ARHGEF11: variants seen among roughly 807,000 people sequenced by gnomAD.
ARHGEF11 encodes the protein Rho guanine nucleotide exchange factor 11.
In ARHGEF11, 55 loss-of-function variants were observed where a neutral mutation model predicts 193.7. The ratio of observed to expected loss-of-function variants is 0.28; its 90% CI spans 0.23 to 0.36. ARHGEF11 has a LOEUF of 0.36. Ranked by LOEUF, ARHGEF11 falls within the 10% of genes least tolerant of loss-of-function variation. The probability of loss-of-function intolerance (pLI) is 1.00; values close to 1 mark genes in which losing one functional copy is unlikely to be tolerated. For missense variants in ARHGEF11, 1,723 were observed against 2,005.6 expected (o/e 0.86, Z 2.69); for synonymous variants, 693 against 768.0 (o/e 0.90, Z 1.62).
At chr1:156,940,510 G>A in intron 35 of ARHGEF11, 85 bp from the exon 36 acceptor site, 1 of 1,255,008 alleles carries the variant, frequency 8.0e-7, no homozygotes. Flanking sequence ...GGAGCCAAGG[G>A]GCTGGGAACA....
intron 1 of ARHGEF11, among the ~76,000 whole-genome samples, chr1:157,007,909 T>G (rs920931181): frequency 2.3e-3 from 129 of 55,884 alleles, no homozygotes; most frequent in Middle Eastern, 0.011. Context: ...GTTTTTTTTT[T>G]TTTGTTTTTT....
chr1:156,944,037 G>C lies in ARHGEF11; in HGVS notation c.3133C>G (p.Leu1045Val), dbSNP rs770882402. Residue 1045 changes from leucine to valine, a missense_variant, in exon 32 of 41, where the codon CTG becomes GTG. Physicochemically the swap from Leu to Val is conservative, Grantham distance 32. This residue lies in a region of ARHGEF11 where 491 missense variants were observed against 654.5 expected (regional missense o/e 0.75). Coordinates refer to ENST00000368194, the MANE Select transcript of ARHGEF11 (RefSeq NM_198236.3). The stretch of plus-strand genomic sequence containing the variant: ...ACAGCAGTCTTGCTGTGGCACTTCA[G>C]CAATAGCTTCTCATCCTGTTTCTGT... ...LLQKQDEKLL[L>V]KCHSKTAVGS... 3.1e-6 allele frequency: 5 copies of C among 1,614,060 alleles called. No individual in the cohort carries two copies. The Admixed American group carries it at 6.7e-5, about 22-fold the overall frequency.
intron 13 of ARHGEF11, among the ~76,000 whole-genome samples, chr1:156,962,705 C>T (rs567067160): frequency 4.6e-5 from 7 of 151,564 alleles, no homozygotes; most frequent in East Asian, 2.0e-4. Flanking sequence ...GGTGAAACCC[C>T]GTCTCTACTA....
chr1:156,948,691 T>C lies in ARHGEF11; in HGVS notation c.1926-193A>G. 1 of 1,527,058 alleles carries C rather than the reference T, an allele frequency of 6.5e-7. No homozygotes were observed. The highest frequency in any genetic ancestry group is 8.8e-7 in the Non-Finnish European group (1 of 1,141,834). 94.6% of individuals were successfully genotyped at this position (1,527,058 alleles called of 1,614,324 possible). A position where few individuals can be genotyped will look rare whatever the true frequency, so the allele number is the denominator to read the frequency against. ...AGACTATTTTTGCTGCTCTACAAAC[T>C]CCTCCTCTCTCCCCAGCCTAGCCTG... On this transcript the variant is annotated intron_variant, in intron 22 of 40. Coordinates refer to ENST00000368194, the MANE Select transcript of ARHGEF11 (RefSeq NM_198236.3). This position sits in a 1 kb window ranked among gnomAD's most constrained non-coding sequence, Gnocchi z 4.2.
chr1:156,978,366 T>C lies in ARHGEF11; in HGVS notation c.348A>G (p.Ala116=), dbSNP rs746610381. ...AAGGTGAAGAGCCCAGGAGGGTGAG[T>C]GCGACATAGGCGCCAGCTAGAGGGA... ...VKLIKSGAYV[A]LTLLGSSPSS... The change falls in exon 6 of 41, where the codon GCA becomes GCG. Residue 116 remains alanine, a synonymous_variant. Transcript: ENST00000368194. The C allele has an allele frequency of 6.2e-7, 1 of 1,604,900 alleles. No homozygotes were observed. The highest frequency in any genetic ancestry group is 2.2e-5 in the East Asian group (1 of 44,778).
rs529845528 is a variant in ARHGEF11, at chr1:156,948,283, G to A, written c.2105+36C>T. On this transcript the variant is annotated intron_variant, in intron 23 of 40. Coordinates refer to ENST00000368194, the MANE Select transcript of ARHGEF11 (RefSeq NM_198236.3). The surrounding 1 kb of genome is among the most constrained non-coding windows in gnomAD (Gnocchi z 4.2). ...CCTCTATCCTTGCCGCCACCCCTGA[G>A]ATGTCCATGGGTGCAGCCGTTGTAG... 3 of 1,608,350 alleles carry A rather than the reference G, an allele frequency of 1.9e-6. No homozygotes were observed. The highest frequency in any genetic ancestry group is 2.7e-5 in the African/African-American group (2 of 74,958).
At chr1:156,954,799 G>C in intron 21 of ARHGEF11, 93 bp downstream of exon 21, 1 of 1,036,460 alleles carries the variant, frequency 9.6e-7, no homozygotes, top group African/African-American at 1.6e-5. Flanking sequence ...AACAGGATGG[G>C]AGATGATGAG....
In ARHGEF11 at chr1:156,944,398, C is replaced by T. The variant is rs748354926; in HGVS notation, c.3027G>A (p.Glu1009=). The T allele has an allele frequency of 6.2e-7, 1 of 1,614,094 alleles. No individual in the cohort carries two copies. The highest frequency in any genetic ancestry group is 1.1e-5 in the South Asian group (1 of 91,074). ...LDLTTRKMIH[E]GPLTWRISKD... is the part of the protein sequence containing the mutation. ...TGCTGATCCTCCAGGTCAGGGGTCC[C>T]TCATGGATCATTTTTCTGGTTGTAA... The change falls in exon 31 of 41, where the codon GAG becomes GAA. Residue 1009 remains glutamate (E), a synonymous_variant. Coordinates refer to ENST00000368194, the MANE Select transcript of ARHGEF11 (RefSeq NM_198236.3).
At chr1:157,001,875 G>A (rs16837949) in intron 1 of ARHGEF11, among the ~76,000 whole-genome samples, 4,055 of 152,248 alleles carry the variant, frequency 0.027, 190 homozygotes, top group African/African-American at 0.093. Context: ...CCCTCTGTAG[G>A]TTTACAAAAA....
chr1:156,948,244 CA>C lies in ARHGEF11; in HGVS notation c.2106-17del. On this transcript the variant is annotated splice_polypyrimidine_tract_variant and intron_variant, in intron 23 of 40. Transcript: ENST00000368194. The surrounding 1 kb of genome is among the most constrained non-coding windows in gnomAD (Gnocchi z 4.2). ...CTCAAGAGACCTGTGGAGGGAATGT[CA>C]ACTCTCAGCAACCCTCTATCCTTGC... 1 of 1,594,214 alleles carries C rather than the reference CA, an allele frequency of 6.3e-7. No homozygotes were observed. Among genetic ancestry groups the C allele is most frequent in the Non-Finnish European group, 8.6e-7 (1 of 1,166,758 alleles).
intron 1 of ARHGEF11, among the ~76,000 whole-genome samples, chr1:157,006,538 A>G (rs558560308): frequency 6.6e-6 from 1 of 152,204 alleles, no homozygotes; most frequent in African/African-American, 2.4e-5. Flanking sequence ...CTGGGCTTAG[A>G]AAAAAAGGGT....
At chr1:156,992,464 T>C (rs1665877989) in intron 1 of ARHGEF11, among the ~76,000 whole-genome samples, 1 of 152,078 alleles carries the variant, frequency 6.6e-6, no homozygotes, top group South Asian at 2.1e-4. Flanking sequence ...GCAGGTGCCT[T>C]CTAACTATGC....
rs746747539 is a variant in ARHGEF11 at position 156,940,433 on chromosome 1, G to A, written c.3515-8C>T. The A allele has an allele frequency of 3.1e-6, 5 of 1,592,956 alleles. No individual in the cohort carries two copies. In the South Asian group the frequency reaches 4.5e-5, roughly 14 times the overall value. On this transcript the variant is annotated splice_polypyrimidine_tract_variant and splice_region_variant and intron_variant, in intron 35 of 40. Transcript: ENST00000368194. Reference sequence around the variant, plus strand: ...TCTGCTGGGACCCAGTGCCTGTTTCGGATGAGAGAAGATTGTAAGGCAGGG... The same window carrying A: ...TCTGCTGGGACCCAGTGCCTGTTTCAGATGAGAGAAGATTGTAAGGCAGGG...
At position 156,956,500 on chromosome 1, in the gene ARHGEF11, G is replaced by C; in HGVS notation, c.1591C>G (p.Arg531Gly). The C allele has an allele frequency of 6.2e-7, 1 of 1,614,132 alleles. No individual in the cohort carries two copies. The highest frequency in any genetic ancestry group is 8.5e-7 in the Non-Finnish European group (1 of 1,180,018). Residue 531 changes from arginine (R) to glycine (G), a missense_variant, in exon 19 of 41, where the codon CGA (arginine) becomes GGA (glycine). Physicochemically the swap from Arg to Gly is moderately radical, Grantham distance 125. Coordinates refer to ENST00000368194, the MANE Select transcript of ARHGEF11 (RefSeq NM_198236.3). Reference sequence around the variant, plus strand: ...GCCTTTTCAGCTGTGTTGGAAGGTCGTGCCTCTCGAAGACGGATCCCAGCA... The same window carrying C: ...GCCTTTTCAGCTGTGTTGGAAGGTCCTGCCTCTCGAAGACGGATCCCAGCA... ...SHAGIRLREA[R>G]PSNTAEKAQS...
At chr1:156,951,813 C>G in intron 21 of ARHGEF11, 114 bp from the exon 22 acceptor site, 1 of 1,341,866 alleles carries the variant, frequency 7.5e-7, no homozygotes, top group Admixed American at 1.9e-5. Flanking sequence ...TGGATGAGAA[C>G]AGCACTGGAC....
chr1:157,040,055 A>G (rs1331129406), intron 1 of ARHGEF11, among the ~76,000 whole-genome samples: 1 of 152,202 alleles, frequency 6.6e-6, no homozygotes, highest in African/African-American at 2.4e-5. Context: ...AAGCTAAACA[A>G]ATACATTAAT....
intron 1 of ARHGEF11, among the ~76,000 whole-genome samples, chr1:156,991,719 T>TTTTTTA (rs1665749253): frequency 1.2e-5 from 1 of 83,162 alleles, no homozygotes; most frequent in Non-Finnish European, 2.4e-5. Flanking sequence ...TATTTTTTTT[T>TTTTTTA]TTTTTTTTTT....
At position 156,948,135 on chromosome 1, in the gene ARHGEF11, G is replaced by A. The variant is rs1478369188; in HGVS notation, c.2153+46C>T. ...TGAGAGGAGCAGCTGGGTGTGGATGGGACACAGAGACACCAAACAGAGGCA... is the reference window on the plus strand; with the variant it reads ...TGAGAGGAGCAGCTGGGTGTGGATGAGACACAGAGACACCAAACAGAGGCA... On this transcript the variant is annotated intron_variant, in intron 24 of 40. Coordinates refer to ENST00000368194, the MANE Select transcript of ARHGEF11 (RefSeq NM_198236.3). The surrounding 1 kb of genome is among the most constrained non-coding windows in gnomAD (Gnocchi z 4.2). 2 of 1,542,638 alleles carry A rather than the reference G, an allele frequency of 1.3e-6. No homozygotes were observed. Among genetic ancestry groups the A allele is most frequent in the South Asian group, 1.3e-5 (1 of 78,858 alleles).
chr1:157,012,723 T>C (rs1413933760), intron 1 of ARHGEF11, among the ~76,000 whole-genome samples: 1 of 152,258 alleles, frequency 6.6e-6, no homozygotes, highest in Non-Finnish European at 1.5e-5. Context: ...TCATCTGTGT[T>C]GACTCTGGAT....
Sources: allele counts gnomAD v4.1 joint callset (sites outside exome capture counted in the v4.1 genomes callset), GRCh38; gene constraint gnomAD v4.1.1; regional missense constraint gnomAD v4.1.1; non-coding constraint Gnocchi (gnomAD v3.1); transcripts MANE v1.5; gene names NCBI Gene and HGNC (gene_info 2026-07-23, HGNC 2026-07-21).